The following SLC14A2 variants were observed in gnomAD, a reference collection of about 807,000 sequenced individuals.
The protein encoded by SLC14A2 is urea transporter 2.
SLC14A2 carries 91 observed loss-of-function variants against 104.6 expected under a neutral mutation model. The observed-to-expected ratio is 0.87, with a 90% CI of 0.73 to 1.04. SLC14A2 has a LOEUF of 1.04. Among genes scored for constraint, SLC14A2 ranks in the 50% least tolerant of loss-of-function variants. SLC14A2 has a pLI of 0.00. For missense variants in SLC14A2, 1,189 were observed against 1,156.0 expected (o/e 1.03, Z -0.41); for synonymous variants, 476 against 466.4 (o/e 1.02, Z -0.27).
intron 1 of SLC14A2, among the ~76,000 whole-genome samples, chr18:45,320,620 G>T (rs1195668456): frequency 6.6e-6 from 1 of 152,196 alleles, no homozygotes; most frequent in Non-Finnish European, 1.5e-5. Flanking sequence ...GGCAGGAGTG[G>T]TGAGAGTGTC....
chr18:45,225,602 T>G (rs2084107524), intron 1 of SLC14A2, among the ~76,000 whole-genome samples: 1 of 152,174 alleles, frequency 6.6e-6, no homozygotes, highest in Admixed American at 6.5e-5. Flanking sequence ...ATTCTCATGA[T>G]ATTGATTCTT....
chr18:45,332,078 C>G (rs1342004305), intron 1 of SLC14A2, among the ~76,000 whole-genome samples: 1 of 152,202 alleles, frequency 6.6e-6, no homozygotes, highest in African/African-American at 2.4e-5. Context: ...ACTCTTATCT[C>G]TCTTCTAAAA....
chr18:45,206,945 T>C, the SLC14A2 span, among the ~76,000 whole-genome samples: 1 of 152,206 alleles, frequency 6.6e-6, no homozygotes, highest in Non-Finnish European at 1.5e-5. Context: ...GCAATAATTC[T>C]CATCCTATCA....
At chr18:45,581,767 C>T (rs930464608) in intron 2 of SLC14A2, among the ~76,000 whole-genome samples, 19 of 152,124 alleles carry the variant, frequency 1.2e-4, no homozygotes, top group Non-Finnish European at 7.4e-5. Context: ...CTCTGAGTCC[C>T]GAATGACCCT....
intron 1 of SLC14A2, among the ~76,000 whole-genome samples, chr18:45,225,928 T>C (rs1568109240): frequency 1.3e-5 from 2 of 152,094 alleles, no homozygotes; most frequent in Non-Finnish European, 2.9e-5. Flanking sequence ...AGTCCTGTCA[T>C]CTGCAAACAT....
At chr18:45,623,953 C>T (rs1455699482) in intron 1 of SLC14A2, among the ~76,000 whole-genome samples, 1 of 152,190 alleles carries the variant, frequency 6.6e-6, no homozygotes, top group East Asian at 1.9e-4. Flanking sequence ...GGAAGCCAGA[C>T]AAAACCAGGA....
upstream of SLC14A2, among the ~76,000 whole-genome samples, chr18:45,208,718 G>T (rs959366019): frequency 2.0e-5 from 3 of 152,032 alleles, no homozygotes; most frequent in Admixed American, 2.0e-4. Context: ...GAAGAGTGGG[G>T]TGTCATGATG....
chr18:45,263,601 T>C (rs2144104047), intron 1 of SLC14A2, among the ~76,000 whole-genome samples: 1 of 152,186 alleles, frequency 6.6e-6, no homozygotes, highest in East Asian at 1.9e-4. Context: ...ATTTCCCTCA[T>C]TTTTCTACAT....
chr18:45,523,996 G>T (rs1018267574), intron 2 of SLC14A2, among the ~76,000 whole-genome samples: 5 of 152,236 alleles, frequency 3.3e-5, no homozygotes, highest in African/African-American at 1.2e-4. Context: ...AAAGTACGGA[G>T]TTGAATTGAA....
At position 45,350,327 on chromosome 18, in the gene SLC14A2, T is replaced by C. The variant is rs1388148185; in HGVS notation, c.-124-132906T>C. On this transcript the variant is annotated intron_variant, in intron 1 of 20. Transcript: ENST00000586448. ...CAGTCACCATTTTTGATATCTCTGA[T>C]TCCTGAGAACACCCCCATGGCTCAG... 2.0e-5 allele frequency among the ~76,000 whole-genome samples: 3 copies of C among 152,232 alleles called. No individual in the cohort carries two copies. In the East Asian group the frequency reaches 5.8e-4, roughly 29 times the overall value.
intron 1 of SLC14A2, among the ~76,000 whole-genome samples, chr18:45,379,048 G>A (rs1032797112): frequency 4.6e-5 from 7 of 152,140 alleles, no homozygotes; most frequent in Admixed American, 2.0e-4. Flanking sequence ...GTTAATCCTC[G>A]AATTCTCTGC....
chr18:45,171,645 C>A, the SLC14A2 span, among the ~76,000 whole-genome samples: 4 of 152,112 alleles, frequency 2.6e-5, no homozygotes, highest in Admixed American at 6.6e-5. Context: ...AAAGGGACAG[C>A]CATAAGTCAT....
At chr18:45,312,727 T>G (rs1331136647) in intron 1 of SLC14A2, among the ~76,000 whole-genome samples, 3 of 152,244 alleles carry the variant, frequency 2.0e-5, no homozygotes, top group Admixed American at 6.5e-5. Context: ...TTTGTGCTAT[T>G]GTGCAGGCAA....
intron 1 of SLC14A2, among the ~76,000 whole-genome samples, chr18:45,371,567 T>C (rs79319044): frequency 0.014 from 2,159 of 152,320 alleles, 57 homozygotes; most frequent in African/African-American, 0.049. Flanking sequence ...AGTTTACACA[T>C]GTATCTAAGA....
chr18:45,397,812 G>A (rs2086052175), intron 1 of SLC14A2, among the ~76,000 whole-genome samples: 1 of 152,000 alleles, frequency 6.6e-6, no homozygotes. Flanking sequence ...TTCCACATTA[G>A]AGATAACAAT....
upstream of SLC14A2, among the ~76,000 whole-genome samples, chr18:45,613,236 G>A (rs910734839): frequency 3.9e-5 from 6 of 151,920 alleles, no homozygotes; most frequent in Admixed American, 1.3e-4. Context: ...GGGTTTCACC[G>A]TGGTCTTGAT....
chr18:45,389,274 AT>A (rs1374028052), intron 1 of SLC14A2, among the ~76,000 whole-genome samples: 6 of 152,180 alleles, frequency 3.9e-5, no homozygotes, highest in African/African-American at 1.4e-4. Context: ...TCCTGACTAA[AT>A]TTGCTTATTG....
intron 2 of SLC14A2, among the ~76,000 whole-genome samples, chr18:45,548,053 C>CA (rs1335540384): frequency 1.3e-5 from 2 of 152,154 alleles, no homozygotes; most frequent in Non-Finnish European, 2.9e-5. Flanking sequence ...AGCCTGGTGC[C>CA]AGCTTGATTT....
intron 2 of SLC14A2, among the ~76,000 whole-genome samples, chr18:45,508,393 A>G (rs2043315556): frequency 6.6e-6 from 1 of 152,028 alleles, no homozygotes; most frequent in African/African-American, 2.4e-5. Flanking sequence ...ATAGTGAATA[A>G]GTCTCATGAG....
Sources: allele counts gnomAD v4.1 joint callset (sites outside exome capture counted in the v4.1 genomes callset), GRCh38; gene constraint gnomAD v4.1.1; transcripts MANE v1.5; gene names NCBI Gene and HGNC (gene_info 2026-07-23, HGNC 2026-07-21).